ANK2: variants seen among roughly 807,000 people sequenced by gnomAD.
The protein encoded by ANK2 is ankyrin-2.
Under a neutral mutation model 360.5 loss-of-function variants are expected in ANK2, and 83 were observed. The observed-to-expected ratio is 0.23, with a 90% CI of 0.19 to 0.28. The LOEUF (loss-of-function observed/expected upper bound fraction) is 0.28. ANK2 is among the 10% of genes least tolerant of loss of function. The pLI, the probability that ANK2 is intolerant of heterozygous loss-of-function variation, is 1.00. For missense variants in ANK2, 4,201 were observed against 4,795.7 expected (o/e 0.88, Z 3.66); for synonymous variants, 1,740 against 1,759.5 (o/e 0.99, Z 0.28).
intron 22 of ANK2, among the ~76,000 whole-genome samples, chr4:113,297,596 C>T (rs1401190367): frequency 6.6e-6 from 1 of 151,988 alleles, no homozygotes; most frequent in African/African-American, 2.4e-5. Flanking sequence ...AATGGCAATA[C>T]AATAAATACT....
rs1428471402 is a variant in ANK2, at chr4:112,932,536, A to G, written c.21+28022A>G. Among the ~76,000 whole-genome samples the G allele has an allele frequency of 2.7e-5, 4 of 150,832 alleles. No individual in the cohort carries two copies. The East Asian group carries it at 5.9e-4, about 22-fold the overall frequency. On this transcript the variant is annotated intron_variant, in intron 2 of 30. Transcript: ENST00000503271. ...AAGATACATTTGGCTGAAATGTTAT[A>G]TGATCCTAACAAAGTAGTTTCATTC...
In ANK2 at chr4:113,357,528, C is replaced by T. The variant is rs201571287; in HGVS notation, c.8910C>T (p.Asp2970=). The T allele has an allele frequency of 1.7e-5, 28 of 1,614,074 alleles. No individual in the cohort carries two copies. Among genetic ancestry groups the T allele is most frequent in the Middle Eastern group, 1.6e-4 (1 of 6,062 alleles). ...YSVTITSPVE[D]VVVASSSSGT... ...TTACCATCACATCCCCTGTTGAAGA[C>T]GTTGTAGTGGCAAGCTCCTCTAGTG... is the stretch of plus-strand genomic sequence containing the variant. The change falls in exon 38 of 46, where the codon GAC becomes GAT. Residue 2970 remains aspartate (D), a synonymous_variant. Transcript: ENST00000357077.
chr4:113,295,849 T>TATA, intron 22 of ANK2, among the ~76,000 whole-genome samples: 1 of 152,160 alleles, frequency 6.6e-6, no homozygotes, highest in East Asian at 1.9e-4. Flanking sequence ...TGGTTTCTCT[T>TATA]ATAATTGTGA....
At chr4:112,848,323 C>T (rs945190409) in intron 1 of ANK2, among the ~76,000 whole-genome samples, 2 of 152,048 alleles carry the variant, frequency 1.3e-5, no homozygotes, top group Admixed American at 1.3e-4. Context: ...CCAAGCCCAG[C>T]TAATTTTTTA....
chr4:113,329,813 C>T (rs1009981766), intron 26 of ANK2, among the ~76,000 whole-genome samples: 1 of 152,204 alleles, frequency 6.6e-6, no homozygotes, highest in Admixed American at 6.5e-5. Flanking sequence ...TTTGGTCTTT[C>T]CTCTCTGCTT....
chr4:113,324,630 A>G (rs2088685293), intron 26 of ANK2, among the ~76,000 whole-genome samples: 1 of 152,214 alleles, frequency 6.6e-6, no homozygotes. Flanking sequence ...TTTCAAAGCC[A>G]TATCCAAGCA....
intron 45 of ANK2, 30 bp from the exon 46 acceptor site, chr4:113,381,427 C>G (rs764075769): frequency 1.6e-5 from 26 of 1,612,530 alleles, no homozygotes; most frequent in Non-Finnish European, 2.1e-5. Context: ...GTGAAAAGAG[C>G]GTAATTCTCT....
At chr4:113,024,673 T>A (rs913950361) in intron 2 of ANK2, among the ~76,000 whole-genome samples, 4 of 152,176 alleles carry the variant, frequency 2.6e-5, no homozygotes, top group African/African-American at 9.6e-5. Context: ...AAGACTCCAA[T>A]GGCATTATGC....
chr4:113,047,883 T>C (rs1440205637), upstream of ANK2, among the ~76,000 whole-genome samples: 2 of 151,870 alleles, frequency 1.3e-5, no homozygotes, highest in African/African-American at 4.8e-5. Flanking sequence ...GAAGGAGCAA[T>C]CCTAACAGCA....
chr4:113,108,740 C>T (rs2093951646), intron 1 of ANK2, among the ~76,000 whole-genome samples: 1 of 151,344 alleles, frequency 6.6e-6, no homozygotes, highest in South Asian at 2.1e-4. Flanking sequence ...GGACTTGAAA[C>T]AGAAAAAAAA....
At chr4:113,048,708 A>G (rs762639510), upstream of ANK2, among the ~76,000 whole-genome samples, 9 of 152,192 alleles carry the variant, frequency 5.9e-5, no homozygotes, top group Non-Finnish European at 1.3e-4. Context: ...ACACCCCTTG[A>G]GAGGAGGGAT....
chr4:113,193,732 G>A (rs1282612826), intron 2 of ANK2, among the ~76,000 whole-genome samples: 1 of 152,122 alleles, frequency 6.6e-6, no homozygotes, highest in East Asian at 1.9e-4. Context: ...TGGTGGTGAG[G>A]ACTGAGAGGA....
intron 1 of ANK2, among the ~76,000 whole-genome samples, chr4:112,851,786 G>T (rs946807343): frequency 6.6e-6 from 1 of 151,996 alleles, no homozygotes; most frequent in African/African-American, 2.4e-5. Context: ...ACCACACCTG[G>T]CTAATTTTTG....
At chr4:113,331,095 C>T (rs918950214) in intron 27 of ANK2, among the ~76,000 whole-genome samples, 6 of 152,044 alleles carry the variant, frequency 3.9e-5, no homozygotes, top group South Asian at 2.1e-4. Context: ...TTTGTTTGTA[C>T]GGCTGCTGTT....
Position 113,373,409 on chromosome 4 carries a change from T to C in ANK2, c.11819T>C (p.Ile3940Thr). 6.2e-7 allele frequency: 1 copy of C among 1,614,160 alleles called. No homozygotes were observed. Among genetic ancestry groups the C allele is most frequent in the Non-Finnish European group, 8.5e-7 (1 of 1,180,022 alleles). ...GAAGGGGATGGCTATTCCAAAGTTATAAAGCGTGTTGTATTGAAGAGTGAC... is the reference window on the plus strand; with the variant it reads ...GAAGGGGATGGCTATTCCAAAGTTACAAAGCGTGTTGTATTGAAGAGTGAC... The part of the protein sequence containing the change: ...IEEGDGYSKV[I>T]KRVVLKSDTE... The change falls in exon 45 of 46, where the codon ATA becomes ACA. Residue 3940 changes from isoleucine to threonine, a missense_variant. Coordinates refer to ENST00000357077, the MANE Select transcript of ANK2 (RefSeq NM_001148.6).
chr4:112,822,031 G>T (rs2057206227), intron 1 of ANK2, among the ~76,000 whole-genome samples: 2 of 151,936 alleles, frequency 1.3e-5, no homozygotes, highest in African/African-American at 4.8e-5. Flanking sequence ...GCCTCCCAAA[G>T]AGCTGGGATT....
In ANK2 at chr4:113,355,114, T is replaced by C; in HGVS notation, c.6496T>C (p.Leu2166=). 6.2e-7 allele frequency: 1 copy of C among 1,614,110 alleles called. No homozygotes were observed. Residue 2166 remains leucine (L), a synonymous_variant, in exon 38 of 46, where the codon TTA becomes CTA. Transcript: ENST00000357077. The part of the protein sequence containing the change: ...SEETEKAQLH[L]DQVLTSPFNT... ...GGAGACAGAAAAGGCACAGCTTCACTTAGACCAAGTACTCACTAGTCCTTT... is the reference window on the plus strand; with the variant it reads ...GGAGACAGAAAAGGCACAGCTTCACCTAGACCAAGTACTCACTAGTCCTTT...
Position 113,345,963 on chromosome 4 carries a change from A to G in ANK2, c.4312A>G (p.Arg1438Gly). 5 of 1,613,766 alleles carry G rather than the reference A, an allele frequency of 3.1e-6. No individual in the cohort carries two copies. Among genetic ancestry groups the G allele is most frequent in the South Asian group, 2.2e-5 (2 of 91,088 alleles). ...LSFMKEPKST[R>G]GLVHQAICNL... Reference sequence around the variant, plus strand: ...ATTTATGAAGGAGCCAAAATCCACGAGAGGCCTGGTGCATCAAGCTATTTG... The same window carrying G: ...ATTTATGAAGGAGCCAAAATCCACGGGAGGCCTGGTGCATCAAGCTATTTG... The change falls in exon 35 of 46, where the codon AGA (arginine) becomes GGA (glycine). Residue 1438 changes from arginine (R) to glycine (G), a missense_variant. By Grantham distance (125) the Arg-to-Gly change is moderately radical. This residue lies in a region of ANK2 where 1,268 missense variants were observed against 1,650.8 expected (regional missense o/e 0.77). Transcript: ENST00000357077.
intron 13 of ANK2, among the ~76,000 whole-genome samples, chr4:113,262,024 G>T (rs990827744): frequency 6.6e-5 from 10 of 152,116 alleles, no homozygotes; most frequent in African/African-American, 2.4e-4. Context: ...CTGCACTCCA[G>T]CCTGGGGTAC....
Sources: gnomAD v4.1 joint callset for allele counts (sites outside exome capture counted in the v4.1 genomes callset) on GRCh38, gnomAD v4.1.1 for gene constraint, gnomAD v4.1.1 regional missense constraint, MANE v1.5 for transcripts, NCBI Gene and HGNC (gene_info 2026-07-23, HGNC 2026-07-21) for gene names.